The following FASTKD1 variants were observed in gnomAD, a reference collection of about 807,000 sequenced individuals.
FASTKD1 encodes the protein FAST kinase domain-containing protein 1, mitochondrial.
A neutral mutation model predicts 90.9 loss-of-function variants in FASTKD1; 94 were observed. The ratio of observed to expected loss-of-function variants is 1.03; its 90% CI spans 0.88 to 1.23. The LOEUF is 1.23. Ranked by LOEUF, FASTKD1 falls within the 50% of genes most tolerant of loss-of-function variation. The pLI, the probability that FASTKD1 is intolerant of heterozygous loss-of-function variation, is 0.00. For missense variants in FASTKD1, 945 were observed against 993.5 expected, an observed-to-expected ratio of 0.95 and a Z score of 0.66; for synonymous variants, 319 against 345.8, an observed-to-expected ratio of 0.92 and a Z score of 0.86.
In FASTKD1 at chr2:169,529,679, C is replaced by G; in HGVS notation, c.*146G>C. The G allele has an allele frequency of 1.6e-6, 1 of 607,684 alleles. No individual in the cohort carries two copies. The highest frequency in any genetic ancestry group is 2.1e-5 in the South Asian group (1 of 47,920). 37.6% of individuals were successfully genotyped at this position (607,684 alleles called of 1,614,324 possible). ...ACCCCACTCCCCACTTGTTCTGCTCCAGCCACACTGGATCCTTTGTTATTC... is the reference window on the plus strand; with the variant it reads ...ACCCCACTCCCCACTTGTTCTGCTCGAGCCACACTGGATCCTTTGTTATTC... On this transcript the variant is annotated 3_prime_UTR_variant, in exon 15 of 15. Coordinates refer to ENST00000453153, the MANE Select transcript of FASTKD1 (RefSeq NM_024622.6).
At chr2:169,565,057 C>T (rs942785494) in intron 3 of FASTKD1, among the ~76,000 whole-genome samples, 1 of 146,972 alleles carries the variant, frequency 6.8e-6, no homozygotes, top group African/African-American at 2.5e-5. Context: ...CAGGTTCAAA[C>T]AATTCTCCTG....
At chr2:169,564,271 A>C (rs904683192) in intron 3 of FASTKD1, among the ~76,000 whole-genome samples, 1 of 152,166 alleles carries the variant, frequency 6.6e-6, no homozygotes, top group African/African-American at 2.4e-5. Context: ...CAATCAACAA[A>C]ATTTGAACAC....
intron 12 of FASTKD1, among the ~76,000 whole-genome samples, chr2:169,534,450 GTT>G (rs1249656293): frequency 8.0e-6 from 1 of 124,972 alleles, no homozygotes; most frequent in African/African-American, 2.9e-5. Context: ...AATTTCTGTT[GTT>G]TTTTTTTTTT....
chr2:169,571,534 A>G, intron 2 of FASTKD1, 119 bp downstream of exon 2: 1 of 708,770 alleles, frequency 1.4e-6, no homozygotes, highest in Non-Finnish European at 2.2e-6. Context: ...ACTGCACTCC[A>G]GCCTGGGCGA....
intron 2 of FASTKD1, among the ~76,000 whole-genome samples, chr2:169,569,668 T>C (rs986969783): frequency 1.8e-4 from 28 of 152,046 alleles, no homozygotes; most frequent in African/African-American, 6.5e-4. Flanking sequence ...CTGGGCAACA[T>C]GGTGAAACCC....
intron 4 of FASTKD1, among the ~76,000 whole-genome samples, chr2:169,561,899 T>A (rs1208394009): frequency 7.6e-6 from 1 of 131,732 alleles, no homozygotes; most frequent in Non-Finnish European, 1.6e-5. Context: ...TTATTTATTA[T>A]AAATTATTTA....
In FASTKD1 at chr2:169,529,610, G is replaced by GGT; in HGVS notation, c.*214_*215insAC. ...TCTCGCTCAGAGTAGCCAAGAGGTTGTATTTGACTCTGTTATCTCTTATCT... is the reference window on the plus strand; with the variant it reads ...TCTCGCTCAGAGTAGCCAAGAGGTTGGTTATTTGACTCTGTTATCTCTTATCT... On this transcript the variant is annotated 3_prime_UTR_variant, in exon 15 of 15. Coordinates refer to ENST00000453153, the MANE Select transcript of FASTKD1 (RefSeq NM_024622.6). The GGT allele has an allele frequency of 2.3e-6, 1 of 442,850 alleles. No individual in the cohort carries two copies. Among genetic ancestry groups the GGT allele is most frequent in the Non-Finnish European group, 4.0e-6 (1 of 247,170 alleles). The allele number at this position is 442,850 out of a possible 1,614,324, so 27.4% of individuals were successfully genotyped here. A position where few individuals can be genotyped will look rare whatever the true frequency, so the allele number is the denominator to read the frequency against.
rs1559157309 is a variant in FASTKD1 at position 169,562,004 on chromosome 2, CATTAATTTATTGTAAATTAATTATTT to C, written c.572+1195_572+1220del. 7.5e-3 allele frequency among the ~76,000 whole-genome samples: 550 copies of C among 73,310 alleles called. 2 individuals are homozygous for C. The highest frequency in any genetic ancestry group is 9.6e-3 in the Admixed American group (54 of 5,620). 48.1% of individuals were successfully genotyped at this position (73,310 alleles called of 152,430 possible). ...ATTAATTTATTGTAAATTAATTATT[CATTAATTTATTGTAAATTAATTATTT>C]ATTAATTTATTGTAAATTAATTATT... On this transcript the variant is annotated intron_variant, in intron 4 of 14. Coordinates refer to ENST00000453153, the MANE Select transcript of FASTKD1 (RefSeq NM_024622.6).
rs576712349 is a variant in FASTKD1, at chr2:169,542,968, T to A, written c.1816+1753A>T. 1.4e-4 allele frequency among the ~76,000 whole-genome samples: 21 copies of A among 152,294 alleles called. 1 individual carries two copies. The highest frequency in any genetic ancestry group is 2.5e-4 in the Non-Finnish European group (17 of 68,018). ...TACAAGTTATTTTTGCTGCAAATGT[T>A]TAATCTGAACCTAACCAAGCATCTA... On this transcript the variant is annotated intron_variant, in intron 9 of 14. Transcript: ENST00000453153.
chr2:169,547,884 C>CAAAAAAA (rs1158292826), intron 7 of FASTKD1, among the ~76,000 whole-genome samples: 485 of 21,336 alleles, frequency 0.023, 107 homozygotes, highest in Non-Finnish European at 0.03. Flanking sequence ...GACTCCATCT[C>CAAAAAAA]AAAAAAAAAA....
chr2:169,542,814 T>A (rs1459256051), intron 9 of FASTKD1, among the ~76,000 whole-genome samples: 1 of 152,188 alleles, frequency 6.6e-6, no homozygotes, highest in African/African-American at 2.4e-5. Context: ...TAAGAAACAT[T>A]TTTTTACTTT....
intron 3 of FASTKD1, among the ~76,000 whole-genome samples, chr2:169,566,726 T>C (rs1684004973): frequency 6.6e-6 from 1 of 152,088 alleles, no homozygotes; most frequent in Admixed American, 6.6e-5. Context: ...GAAAAAAATA[T>C]ATATGGATTT....
chr2:169,555,404 G>A (rs1683255137), intron 6 of FASTKD1, 149 bp from the exon 7 acceptor site: 3 of 656,396 alleles, frequency 4.6e-6, no homozygotes, highest in Non-Finnish European at 7.6e-6. Context: ...GTCTCAAGGT[G>A]GCTCTAGAAA....
intron 7 of FASTKD1, among the ~76,000 whole-genome samples, chr2:169,548,151 G>A (rs1036689219): frequency 8.6e-5 from 13 of 151,822 alleles, no homozygotes; most frequent in Non-Finnish European, 1.8e-4. Context: ...ACAGTCCCAG[G>A]GAAACAAAAG....
At position 169,538,017 on chromosome 2, in the gene FASTKD1, A is replaced by C; in HGVS notation, c.2070T>G (p.Asn690Lys). ...WFHDRFCQQY[N>K]KGIGGMDGTQ... ...TGACTAAAAGAAAACTCAAACCTTT[A>C]TTATATTGTTGACAGAAGCGGTCAT... Residue 690 changes from asparagine (N) to lysine (K), a missense_variant, in exon 11 of 15, where the codon AAT becomes AAG. By Grantham distance (94) the Asn-to-Lys change is moderately conservative (BLOSUM62 0). Coordinates refer to ENST00000453153, the MANE Select transcript of FASTKD1 (RefSeq NM_024622.6). The C allele has an allele frequency of 6.3e-7, 1 of 1,595,940 alleles. No individual in the cohort carries two copies. The highest frequency in any genetic ancestry group is 8.5e-7 in the Non-Finnish European group (1 of 1,175,522).
intron 5 of FASTKD1, among the ~76,000 whole-genome samples, chr2:169,559,363 C>G (rs1009835658): frequency 6.6e-6 from 1 of 152,168 alleles, no homozygotes; most frequent in Non-Finnish European, 1.5e-5. Flanking sequence ...AGTCTTGGAA[C>G]CCCTGCTTAA....
intron 7 of FASTKD1, among the ~76,000 whole-genome samples, chr2:169,553,217 CA>C (rs1436085019): frequency 1.7e-4 from 9 of 53,616 alleles, no homozygotes; most frequent in African/African-American, 6.4e-4. Context: ...ACAACAAATA[CA>C]AAAATAAAAA....
In FASTKD1 at chr2:169,530,585, A is replaced by C; in HGVS notation, c.2442+2T>G. 6.4e-7 allele frequency: 1 copy of C among 1,563,398 alleles called. No individual in the cohort carries two copies. The highest frequency in any genetic ancestry group is 8.7e-7 in the Non-Finnish European group (1 of 1,142,940). On this transcript the variant is annotated splice_donor_variant, in intron 14 of 14. Transcript: ENST00000453153. LOFTEE classifies it high-confidence loss of function. ...AGGCTGAATTACATGAGTATTTCAT[A>C]CCTGAATTACACGATACCCCAGAAT...
Position 169,546,319 on chromosome 2 carries a change from T to C in FASTKD1, c.1600A>G (p.Ile534Val). The C allele has an allele frequency of 6.2e-7, 1 of 1,614,028 alleles. No homozygotes were observed. ...AAAGATGCAATCTCCCCAACATTTATGTAATTAATATCATCCATGAAATGC... is the reference window on the plus strand; with the variant it reads ...AAAGATGCAATCTCCCCAACATTTACGTAATTAATATCATCCATGAAATGC... Reference protein sequence around the residue: ...LQHFMDDINYINVGEIASFIS... With the variant: ...LQHFMDDINYVNVGEIASFIS... The change falls in exon 8 of 15, where the codon ATA becomes GTA. Residue 534 changes from isoleucine to valine, a missense_variant. By Grantham distance (29) the Ile-to-Val change is conservative. Coordinates refer to ENST00000453153, the MANE Select transcript of FASTKD1 (RefSeq NM_024622.6).
Sources: gnomAD v4.1 joint callset for allele counts (sites outside exome capture counted in the v4.1 genomes callset) on GRCh38, gnomAD v4.1.1 for gene constraint, MANE v1.5 for transcripts, NCBI Gene and HGNC (gene_info 2026-07-23, HGNC 2026-07-21) for gene names.